CDRT4: variants seen among roughly 807,000 people sequenced by gnomAD.
CDRT4 encodes the protein CMT1A duplicated region transcript 4 protein.
For synonymous variants in CDRT4, 64 were observed against 69.6 expected (o/e 0.92, Z 0.40); for missense variants, 167 against 193.1 (o/e 0.87, Z 0.80).
chr17:15,443,986 A>C, intron 2 of CDRT4: 1 of 733,950 alleles, frequency 1.4e-6, no homozygotes, highest in South Asian at 1.4e-5. Flanking sequence ...TTGGGTGAAA[A>C]ATACATCCAC....
intron 2 of CDRT4, among the ~76,000 whole-genome samples, chr17:15,446,449 G>T (rs1979031474): frequency 6.6e-6 from 1 of 152,108 alleles, no homozygotes; most frequent in South Asian, 2.1e-4. Context: ...AAGGCAAAGG[G>T]CAATGGGAGT....
intron 1 of CDRT4, among the ~76,000 whole-genome samples, chr17:15,455,301 A>T (rs1979438131): frequency 6.6e-6 from 1 of 152,200 alleles, no homozygotes; most frequent in South Asian, 2.1e-4. Flanking sequence ...ACCTCCCAAG[A>T]GGAGTAAGGG....
intron 1 of CDRT4, among the ~76,000 whole-genome samples, chr17:15,461,296 G>T (rs548080531): frequency 3.3e-5 from 5 of 152,324 alleles, no homozygotes; most frequent in African/African-American, 9.6e-5. Context: ...GGATAGCAAG[G>T]CGAAGGCAGC....
intron 1 of CDRT4, among the ~76,000 whole-genome samples, chr17:15,462,915 C>A (rs1979821860): frequency 6.6e-6 from 1 of 152,124 alleles, no homozygotes; most frequent in African/African-American, 2.4e-5. Flanking sequence ...ACTTTAGACA[C>A]ATCACCAAGA....
chr17:15,465,279 A>T (rs1304612490), intron 1 of CDRT4, among the ~76,000 whole-genome samples: 1 of 108,090 alleles, frequency 9.3e-6, no homozygotes, highest in Non-Finnish European at 1.7e-5. Context: ...CACCAACACA[A>T]ACACACACCA....
chr17:15,439,231 G>A, intron 3 of CDRT4: 2 of 445,512 alleles, frequency 4.5e-6, no homozygotes, highest in Non-Finnish European at 9.0e-6. Flanking sequence ...GCAGGGAGGA[G>A]AGTTAAAAGA....
At chr17:15,461,507 T>C (rs1163103581) in intron 1 of CDRT4, among the ~76,000 whole-genome samples, 1 of 152,220 alleles carries the variant, frequency 6.6e-6, no homozygotes, top group Admixed American at 6.5e-5. Flanking sequence ...AGTGGTCTGC[T>C]TCCTTAGTAC....
chr17:15,449,288 A>ATGCAT (rs1979162260), intron 2 of CDRT4, among the ~76,000 whole-genome samples: 1 of 152,174 alleles, frequency 6.6e-6, no homozygotes, highest in Admixed American at 6.5e-5. Flanking sequence ...CAAAACCCAT[A>ATGCAT]TGCATTAGGT....
At chr17:15,466,193 G>C (rs571586308) in intron 1 of CDRT4, among the ~76,000 whole-genome samples, 1 of 152,238 alleles carries the variant, frequency 6.6e-6, no homozygotes, top group Non-Finnish European at 1.5e-5. Flanking sequence ...CCAGGGACTC[G>C]GCTGCCCATG....
At chr17:15,457,461 C>T (rs1309794958) in intron 1 of CDRT4, among the ~76,000 whole-genome samples, 1 of 152,206 alleles carries the variant, frequency 6.6e-6, no homozygotes, top group Non-Finnish European at 1.5e-5. Flanking sequence ...ACAGAGCGGG[C>T]GCTAAACAGC....
In CDRT4 at chr17:15,460,629, C is replaced by T. The variant is rs548640848; in HGVS notation, c.-130+6831G>A. 7.9e-4 allele frequency among the ~76,000 whole-genome samples: 120 copies of T among 152,012 alleles called. 1 individual carries two copies. Among genetic ancestry groups the T allele is most frequent in the Admixed American group, 6.2e-3 (95 of 15,300 alleles). On this transcript the variant is annotated intron_variant, in intron 1 of 3. Transcript: ENST00000619038. The stretch of plus-strand genomic sequence containing the variant: ...GTTGCCCCAGTGCTGCCCCCATATC[C>T]GCCTGGTTGCCCCCACAGCCTCCAA...
intron 2 of CDRT4, among the ~76,000 whole-genome samples, chr17:15,444,939 G>A (rs985119293): frequency 6.6e-6 from 1 of 152,134 alleles, no homozygotes; most frequent in Non-Finnish European, 1.5e-5. Flanking sequence ...TTAAAGTACA[G>A]AGCTAAGGAA....
intron 2 of CDRT4, among the ~76,000 whole-genome samples, chr17:15,443,060 A>G (rs2954768): frequency 0.24 from 36,693 of 151,944 alleles, 8,085 homozygotes; most frequent in African/African-American, 0.55. Flanking sequence ...GGGCTTTCAG[A>G]GCCAGCTCCC....
intron 1 of CDRT4, among the ~76,000 whole-genome samples, chr17:15,458,529 G>A (rs752264655): frequency 5.3e-5 from 8 of 152,090 alleles, no homozygotes; most frequent in South Asian, 2.1e-4. Flanking sequence ...GCTGCTGGGC[G>A]GCAGCAGAGG....
rs1165525829 is a variant in CDRT4 at position 15,464,961 on chromosome 17, A to G, written c.-130+2499T>C. Among the ~76,000 whole-genome samples, 1 of 151,958 alleles carries G rather than the reference A, an allele frequency of 6.6e-6. No individual in the cohort carries two copies. The highest frequency in any genetic ancestry group is 2.4e-5 in the African/African-American group (1 of 41,342). On this transcript the variant is annotated intron_variant, in intron 1 of 3. Transcript: ENST00000619038. The surrounding 1 kb of genome is among the most constrained non-coding windows in gnomAD (Gnocchi z 4.5). ...CACACACACACCAACACACAGACAC[A>G]CACACCAACAGACACACCAACACAC... is the stretch of plus-strand genomic sequence containing the variant.
At chr17:15,455,920 C>A (rs1979462556) in intron 1 of CDRT4, among the ~76,000 whole-genome samples, 1 of 152,166 alleles carries the variant, frequency 6.6e-6, no homozygotes, top group Non-Finnish European at 1.5e-5. Flanking sequence ...GTTCCTGGCC[C>A]ACAGAAACTG....
At chr17:15,446,472 A>G (rs1013934410) in intron 2 of CDRT4, among the ~76,000 whole-genome samples, 1 of 151,928 alleles carries the variant, frequency 6.6e-6, no homozygotes, top group African/African-American at 2.4e-5. Flanking sequence ...GGAGGGGCGA[A>G]TTGGTCTTTC....
chr17:15,458,226 G>A (rs1214246205), intron 1 of CDRT4, among the ~76,000 whole-genome samples: 1 of 152,146 alleles, frequency 6.6e-6, no homozygotes, highest in Non-Finnish European at 1.5e-5. Flanking sequence ...AGGGTGGAGA[G>A]GAAGGACTTG....
chr17:15,440,625 G>A (rs778353737), intron 2 of CDRT4, among the ~76,000 whole-genome samples: 12 of 152,124 alleles, frequency 7.9e-5, no homozygotes, highest in Middle Eastern at 3.4e-3. Context: ...AAAAGTCCCC[G>A]TTTCAAAACC....
Sources: allele counts gnomAD v4.1 joint callset (sites outside exome capture counted in the v4.1 genomes callset), GRCh38; gene constraint gnomAD v4.1.1; non-coding constraint Gnocchi (gnomAD v3.1); transcripts MANE v1.5; gene names NCBI Gene and HGNC (gene_info 2026-07-23, HGNC 2026-07-21).